Variants in GRIK3 observed in about 807,000 individuals in gnomAD.
The protein encoded by GRIK3 is glutamate receptor ionotropic, kainate 3.
GRIK3 carries 29 observed loss-of-function variants against 102.5 expected under a neutral mutation model. The observed-to-expected ratio is 0.28, with a 90% CI of 0.21 to 0.39. The LOEUF is 0.39. Ranked by LOEUF, GRIK3 falls within the 10% of genes least tolerant of loss-of-function variation. The probability of loss-of-function intolerance (pLI) is 1.00; values close to 1 mark genes in which losing one functional copy is unlikely to be tolerated. For synonymous variants in GRIK3, 511 were observed against 504.9 expected, an observed-to-expected ratio of 1.01 and a Z score of -0.16; for missense variants, 908 against 1,252.4, an observed-to-expected ratio of 0.73 and a Z score of 4.15.
At chr1:36,816,781 A>C (rs994591391) in intron 13 of GRIK3, among the ~76,000 whole-genome samples, 5 of 152,034 alleles carry the variant, frequency 3.3e-5, no homozygotes, top group African/African-American at 1.2e-4. Context: ...CCCTCTCTTC[A>C]TCTGTCTCCC....
chr1:36,861,721 T>C (rs1484990822), intron 5 of GRIK3, among the ~76,000 whole-genome samples: 1 of 152,204 alleles, frequency 6.6e-6, no homozygotes, highest in Non-Finnish European at 1.5e-5. Context: ...TGGTTTCCTC[T>C]TCAATGATTT....
chr1:36,865,912 C>A (rs1333127724), intron 5 of GRIK3, among the ~76,000 whole-genome samples: 2 of 152,196 alleles, frequency 1.3e-5, no homozygotes, highest in Non-Finnish European at 2.9e-5. Context: ...CAGGGTCTGG[C>A]TCTGTCCCCT....
In GRIK3 at chr1:36,926,636, G is replaced by A. The variant is rs1000684773; in HGVS notation, c.116-35540C>T. Among the ~76,000 whole-genome samples, 66 of 152,088 alleles carry A rather than the reference G, an allele frequency of 4.3e-4. 1 individual carries two copies. The highest frequency in any genetic ancestry group is 1.4e-3 in the African/African-American group (58 of 41,498). On this transcript the variant is annotated intron_variant, in intron 1 of 15. Transcript: ENST00000373091. ...GAACTCCTGACCTCGTGATCTGTCC[G>A]CCTTGGCCTCCCAAAGTGCTGGGAT...
intron 1 of GRIK3, among the ~76,000 whole-genome samples, chr1:36,970,389 T>C (rs1033842833): frequency 2.0e-5 from 3 of 152,216 alleles, no homozygotes; most frequent in African/African-American, 7.2e-5. Context: ...CCGCATATAC[T>C]GACTCAAATG....
intron 1 of GRIK3, among the ~76,000 whole-genome samples, chr1:36,994,631 C>T (rs955954649): frequency 1.3e-5 from 2 of 152,166 alleles, no homozygotes; most frequent in African/African-American, 4.8e-5. Flanking sequence ...GAACTTAATG[C>T]AATACTCTTG....
At chr1:37,033,413 C>G (rs1642849813) in intron 1 of GRIK3, among the ~76,000 whole-genome samples, 1 of 152,210 alleles carries the variant, frequency 6.6e-6, no homozygotes. Flanking sequence ...CAGCGGGGTC[C>G]TGCTCCCCCA....
At chr1:36,969,716 C>T (rs1321458006) in intron 1 of GRIK3, among the ~76,000 whole-genome samples, 1 of 152,178 alleles carries the variant, frequency 6.6e-6, no homozygotes, top group Non-Finnish European at 1.5e-5. Flanking sequence ...GTGAAATTCA[C>T]CAAGGGAAGA....
intron 1 of GRIK3, among the ~76,000 whole-genome samples, chr1:36,914,434 A>G (rs531449362): frequency 1.0e-3 from 158 of 152,340 alleles, no homozygotes; most frequent in African/African-American, 3.1e-3. Flanking sequence ...GCTCACATGC[A>G]GAGCCTCTGA....
In GRIK3 at chr1:36,828,615, C is replaced by T. The variant is rs74656545; in HGVS notation, c.1531-2789G>A. On this transcript the variant is annotated intron_variant, in intron 10 of 15. Coordinates refer to ENST00000373091, the MANE Select transcript of GRIK3 (RefSeq NM_000831.4). Reference sequence around the variant, plus strand: ...CAACTACGATGAAAATGCCTAATGACATTTCTCAGAATGTATTCCTGTTGT... The same window carrying T: ...CAACTACGATGAAAATGCCTAATGATATTTCTCAGAATGTATTCCTGTTGT... Among the ~76,000 whole-genome samples the T allele has an allele frequency of 8.3e-3, 1,270 of 152,234 alleles. 10 individuals carry two copies. The highest frequency in any genetic ancestry group is 0.01 in the Non-Finnish European group (712 of 68,018).
Position 36,795,877 on chromosome 1 carries a change from G to A in GRIK3, c.*5974C>T, listed in dbSNP as rs1189890866. The A allele has an allele frequency of 1.3e-5, 2 of 152,226 alleles. No homozygotes were observed. The highest frequency in any genetic ancestry group is 2.4e-5 in the African/African-American group (1 of 41,458). 9.4% of individuals were successfully genotyped at this position (152,226 alleles called of 1,614,324 possible). A position where few individuals can be genotyped will look rare whatever the true frequency, so the allele number is the denominator to read the frequency against. On this transcript the variant is annotated 3_prime_UTR_variant, in exon 16 of 16. Transcript: ENST00000373091. ...AGGTCTAGGGTCTCAGAGGCCCATG[G>A]TGCTCCCTGGGGGCTCAGCCCAGAG...
intron 1 of GRIK3, among the ~76,000 whole-genome samples, chr1:36,959,827 GT>G: frequency 8.3e-6 from 1 of 120,368 alleles, no homozygotes; most frequent in African/African-American, 3.0e-5. Flanking sequence ...ATGAGCCTGT[GT>G]GCCCTGTGAG....
intron 1 of GRIK3, among the ~76,000 whole-genome samples, chr1:37,006,741 GACCAGC>G (rs1642537109): frequency 1.3e-5 from 2 of 152,258 alleles, no homozygotes; most frequent in African/African-American, 4.8e-5. Flanking sequence ...GGGCAATCAA[GACCAGC>G]CTGCAATGAA....
chr1:36,995,669 G>T (rs1437531301), intron 1 of GRIK3, among the ~76,000 whole-genome samples: 7 of 152,130 alleles, frequency 4.6e-5, no homozygotes, highest in South Asian at 2.1e-4. Flanking sequence ...GTTTCCTCAG[G>T]AACCAGCCTG....
Position 36,798,708 on chromosome 1 carries a change from C to T in GRIK3, c.*3143G>A, listed in dbSNP as rs1642397814. On this transcript the variant is annotated 3_prime_UTR_variant, in exon 16 of 16. Transcript: ENST00000373091. The stretch of plus-strand genomic sequence containing the variant: ...ACTAGGCTGGTCTCTAGGACAAATG[C>T]AGGATATTGGCCAGAAGCCAAATAT... 6.6e-6 allele frequency: 1 copy of T among 152,228 alleles called. No homozygotes were observed. Among genetic ancestry groups the T allele is most frequent in the African/African-American group, 2.4e-5 (1 of 41,460 alleles). 9.4% of individuals were successfully genotyped at this position (152,228 alleles called of 1,614,324 possible). A position where few individuals can be genotyped will look rare whatever the true frequency, so the allele number is the denominator to read the frequency against.
chr1:36,899,722 G>C (rs886125938), intron 1 of GRIK3, among the ~76,000 whole-genome samples: 16 of 152,118 alleles, frequency 1.1e-4, no homozygotes, highest in Non-Finnish European at 1.8e-4. Context: ...AAAAGTAAAT[G>C]AATGAAGACA....
At chr1:36,883,982 T>C (rs557326793) in intron 2 of GRIK3, among the ~76,000 whole-genome samples, 1 of 152,328 alleles carries the variant, frequency 6.6e-6, no homozygotes, top group African/African-American at 2.4e-5. Flanking sequence ...GTGAAAGATA[T>C]AGCAATGTGA....
intron 11 of GRIK3, among the ~76,000 whole-genome samples, chr1:36,823,375 G>A (rs1017316031): frequency 1.0e-4 from 15 of 149,648 alleles, no homozygotes; most frequent in Admixed American, 4.0e-4. Context: ...TTGGGAGGCT[G>A]AGGCAGGAGA....
intron 1 of GRIK3, among the ~76,000 whole-genome samples, chr1:36,957,472 G>GTGCCCCT (rs1557440401): frequency 9.0e-3 from 1,072 of 118,690 alleles, no homozygotes; most frequent in African/African-American, 0.018. Flanking sequence ...TATGTGCTCT[G>GTGCCCCT]TGAGTCTGTG....
intron 1 of GRIK3, among the ~76,000 whole-genome samples, chr1:37,032,490 G>A (rs1361900591): frequency 7.0e-6 from 1 of 143,718 alleles, no homozygotes; most frequent in Admixed American, 6.7e-5. Context: ...CATTACTGGG[G>A]GGGGAAGGGG....
Sources: gnomAD v4.1 joint callset for allele counts (sites outside exome capture counted in the v4.1 genomes callset) on GRCh38, gnomAD v4.1.1 for gene constraint, MANE v1.5 for transcripts, NCBI Gene and HGNC (gene_info 2026-07-23, HGNC 2026-07-21) for gene names.